MLIP: variants seen among roughly 807,000 people sequenced by gnomAD.
The protein encoded by MLIP is muscular LMNA-interacting protein.
MLIP carries 79 observed loss-of-function variants against 84.8 expected under a neutral mutation model. The ratio of observed to expected loss-of-function variants is 0.93; its 90% confidence interval spans 0.78 to 1.12. The LOEUF is 1.12. Ranked by LOEUF, MLIP falls within the 50% of genes most tolerant of loss-of-function variation. The pLI is 0.00. For missense variants in MLIP, 1,257 were observed against 1,160.6 expected (o/e 1.08, Z -1.21); for synonymous variants, 504 against 463.0 (o/e 1.09, Z -1.14).
Position 54,160,727 on chromosome 6 carries a change from C to CTT in MLIP, c.2440-5_2440-4dup. ...TTTTCTCTTCTTCTTTCCTTCCTTT[C>CTT]TTTTTTTTTCAGCATTCTTCTGATT... On this transcript the variant is annotated splice_polypyrimidine_tract_variant and intron_variant, in intron 7 of 13. Transcript: ENST00000502396. 1 of 1,534,462 alleles carries CTT rather than the reference C, an allele frequency of 6.5e-7. No individual in the cohort carries two copies. Among genetic ancestry groups the CTT allele is most frequent in the Non-Finnish European group, 9.0e-7 (1 of 1,111,120 alleles).
rs1554185765 is a variant in MLIP at position 54,213,734 on chromosome 6, A to ACC, written c.2718+11501_2718+11502insCC. Among the ~76,000 whole-genome samples the ACC allele has an allele frequency of 2.5e-3, 203 of 82,362 alleles. 14 individuals are homozygous for ACC. The highest frequency in any genetic ancestry group is 8.7e-3 in the African/African-American group (195 of 22,296). The allele number at this position is 82,362 out of a possible 152,430, so 54.0% of individuals were successfully genotyped here. A position where few individuals can be genotyped will look rare whatever the true frequency, so the allele number is the denominator to read the frequency against. ...AAAAAAAAAAAAAAAAAAAAAAAAA[A>ACC]AACAACAAACAGCATATCTTGTATG... On this transcript the variant is annotated intron_variant, in intron 11 of 13. Transcript: ENST00000502396.
At chr6:54,056,556 T>C (rs1765672970) in intron 1 of MLIP, among the ~76,000 whole-genome samples, 1 of 152,186 alleles carries the variant, frequency 6.6e-6, no homozygotes, top group African/African-American at 2.4e-5. Context: ...CCTCTTCTAC[T>C]TCTGAGAGAA....
intron 3 of MLIP, among the ~76,000 whole-genome samples, chr6:54,131,587 G>A (rs371539297): frequency 5.3e-5 from 8 of 152,122 alleles, no homozygotes; most frequent in African/African-American, 1.9e-4. Flanking sequence ...GGACTCTTTG[G>A]GTAGTCATTT....
intron 11 of MLIP, among the ~76,000 whole-genome samples, chr6:54,209,454 T>A (rs2150736216): frequency 6.6e-6 from 1 of 152,316 alleles, no homozygotes; most frequent in East Asian, 1.9e-4. Flanking sequence ...GCAAATCATT[T>A]AAAATAAATG....
chr6:54,156,298 A>G (rs1774025496), intron 5 of MLIP, among the ~76,000 whole-genome samples: 1 of 152,102 alleles, frequency 6.6e-6, no homozygotes, highest in African/African-American at 2.4e-5. Flanking sequence ...ATTTTTAAAA[A>G]TACAGCCTGA....
intron 1 of MLIP, among the ~76,000 whole-genome samples, chr6:54,034,822 ATCATCC>A: frequency 6.6e-6 from 1 of 152,290 alleles, no homozygotes; most frequent in East Asian, 1.9e-4. Flanking sequence ...GTCCTAGGCC[ATCATCC>A]TCATTCTTCA....
chr6:54,114,787 G>A (rs1219107108), intron 1 of MLIP, among the ~76,000 whole-genome samples: 1 of 152,118 alleles, frequency 6.6e-6, no homozygotes, highest in African/African-American at 2.4e-5. Context: ...GCATTTAGTA[G>A]GCATTTAATA....
intron 1 of MLIP, among the ~76,000 whole-genome samples, chr6:54,020,321 T>A (rs1581965159): frequency 6.6e-6 from 1 of 152,340 alleles, no homozygotes; most frequent in East Asian, 1.9e-4. Context: ...TTTTAAACTG[T>A]TTTTGGTCTG....
intron 9 of MLIP, among the ~76,000 whole-genome samples, chr6:54,179,594 CA>C (rs950818034): frequency 3.4e-4 from 52 of 151,902 alleles, no homozygotes; most frequent in African/African-American, 1.2e-3. Context: ...TTGAGGTTAC[CA>C]TGAGGCTTGT....
At chr6:54,209,329 T>G (rs1779255832) in intron 11 of MLIP, among the ~76,000 whole-genome samples, 1 of 152,110 alleles carries the variant, frequency 6.6e-6, no homozygotes, top group South Asian at 2.1e-4. Context: ...AGAGAAGGCA[T>G]AAGAGAAGCA....
At chr6:54,062,176 T>C (rs1030199819) in intron 1 of MLIP, among the ~76,000 whole-genome samples, 3 of 152,236 alleles carry the variant, frequency 2.0e-5, no homozygotes, top group Non-Finnish European at 4.4e-5. Flanking sequence ...TTGTTTTCTA[T>C]ATTAACAGTA....
At chr6:54,035,235 T>C (rs1764361269) in intron 1 of MLIP, among the ~76,000 whole-genome samples, 1 of 152,158 alleles carries the variant, frequency 6.6e-6, no homozygotes, top group East Asian at 1.9e-4. Context: ...ACAAGCATTT[T>C]TGGCTTTTTT....
At chr6:54,212,578 G>A (rs908683118) in intron 11 of MLIP, among the ~76,000 whole-genome samples, 1 of 152,148 alleles carries the variant, frequency 6.6e-6, no homozygotes, top group Admixed American at 6.5e-5. Flanking sequence ...CACATGCATG[G>A]GCTTGCCCCC....
intron 1 of MLIP, among the ~76,000 whole-genome samples, chr6:54,113,713 T>C (rs749410421): frequency 2.0e-5 from 3 of 152,188 alleles, no homozygotes; most frequent in Non-Finnish European, 4.4e-5. Context: ...GGAATTATCA[T>C]ACTTCTAATT....
chr6:54,217,977 A>T (rs1187804569), intron 11 of MLIP: 7 of 985,350 alleles, frequency 7.1e-6, no homozygotes, highest in Non-Finnish European at 8.4e-6. Context: ...CGTGATAGAG[A>T]TGCCATTAGT....
intron 12 of MLIP, among the ~76,000 whole-genome samples, 160 bp downstream of exon 12, chr6:54,231,077 A>G (rs1780967917): frequency 6.6e-6 from 1 of 152,226 alleles, no homozygotes; most frequent in Non-Finnish European, 1.5e-5. Context: ...AAAGCACATT[A>G]CCTTATAAGC....
intron 8 of MLIP, among the ~76,000 whole-genome samples, chr6:54,165,851 G>A (rs1161510285): frequency 6.6e-6 from 1 of 151,844 alleles, no homozygotes; most frequent in Non-Finnish European, 1.5e-5. Context: ...AAAATGATTG[G>A]GTTGTGAGGA....
chr6:54,168,503 G>T (rs533797683), intron 8 of MLIP, among the ~76,000 whole-genome samples: 1 of 151,490 alleles, frequency 6.6e-6, no homozygotes, highest in Non-Finnish European at 1.5e-5. Flanking sequence ...TGATTTCATT[G>T]CTTATTTCTT....
intron 4 of MLIP, among the ~76,000 whole-genome samples, chr6:54,148,724 T>G (rs746465667): frequency 3.3e-5 from 5 of 152,162 alleles, no homozygotes; most frequent in Non-Finnish European, 7.4e-5. Context: ...CCTGTCCTCA[T>G]GTATAGAATA....
Sources: gnomAD v4.1 joint callset for allele counts (sites outside exome capture counted in the v4.1 genomes callset) on GRCh38, gnomAD v4.1.1 for gene constraint, MANE v1.5 for transcripts, NCBI Gene and HGNC (gene_info 2026-07-23, HGNC 2026-07-21) for gene names.